The following PNPLA7 variants were observed in gnomAD, a reference collection of about 807,000 sequenced individuals.
The protein encoded by PNPLA7 is patatin like domain 7, lysophospholipase.
A neutral mutation model predicts 161.7 loss-of-function variants in PNPLA7; 153 were observed. That is an observed-to-expected ratio of 0.95 (90% CI 0.83 to 1.08). The LOEUF (loss-of-function observed/expected upper bound fraction) is 1.08, where lower values mean the gene tolerates loss of function less well. Ranked by LOEUF, PNPLA7 falls within the 50% of genes least tolerant of loss-of-function variation. PNPLA7 has a pLI of 0.00. For synonymous variants in PNPLA7, 809 were observed against 782.1 expected (o/e 1.03, Z -0.57); for missense variants, 1,739 against 1,856.6 (o/e 0.94, Z 1.16).
intron 21 of PNPLA7, among the ~76,000 whole-genome samples, chr9:137,482,755 C>T (rs1466250661): frequency 1.3e-5 from 2 of 152,256 alleles, no homozygotes; most frequent in African/African-American, 4.8e-5. Context: ...GTCCCGGCCT[C>T]GATGTTACCC....
chr9:137,464,101 C>G, intron 28 of PNPLA7, 25 bp downstream of exon 28: 2 of 1,610,690 alleles, frequency 1.2e-6, no homozygotes, highest in Non-Finnish European at 1.7e-6. Flanking sequence ...CCCAAGCGGC[C>G]GCCCTGCGCA....
At chr9:137,548,552 A>T (rs966556796) in intron 1 of PNPLA7, among the ~76,000 whole-genome samples, 1 of 152,166 alleles carries the variant, frequency 6.6e-6, no homozygotes, top group Non-Finnish European at 1.5e-5. Context: ...GATCGAGACC[A>T]TCCTGGCTAA....
intron 23 of PNPLA7, chr9:137,479,666 G>C: frequency 1.0e-6 from 1 of 985,470 alleles, no homozygotes; most frequent in Non-Finnish European, 1.2e-6. Context: ...AGGGAGCAGA[G>C]GAGGGAGACG....
chr9:137,480,228 C>T (rs1219592456), intron 23 of PNPLA7, 84 bp downstream of exon 23: 4 of 1,477,754 alleles, frequency 2.7e-6, no homozygotes, highest in Non-Finnish European at 3.7e-6. Flanking sequence ...TGAGTTTGTG[C>T]AGTATTTTAC....
At chr9:137,502,938 G>T (rs982869491) in intron 14 of PNPLA7, among the ~76,000 whole-genome samples, 2 of 151,874 alleles carry the variant, frequency 1.3e-5, no homozygotes, top group Non-Finnish European at 2.9e-5. Context: ...TCAAGGGGGG[G>T]CACCCGAACG....
In PNPLA7 at chr9:137,541,493, T is replaced by C; in HGVS notation, c.667-771A>G. On this transcript the variant is annotated intron_variant, in intron 7 of 34. Transcript: ENST00000406427. This position sits in a 1 kb window ranked among gnomAD's most constrained non-coding sequence, Gnocchi z 4.4. ...AGGCAGTGCCGGAGCTGGCGTGGGA[T>C]CACAGCCCACTCCCGGGACCACAGC... 1 of 985,416 alleles carries C rather than the reference T, an allele frequency of 1.0e-6. No individual in the cohort carries two copies. The highest frequency in any genetic ancestry group is 1.2e-6 in the Non-Finnish European group (1 of 829,922). 61.0% of individuals were successfully genotyped at this position (985,416 alleles called of 1,614,324 possible).
At position 137,541,786 on chromosome 9, in the gene PNPLA7, A is replaced by T. The variant is rs1042505532; in HGVS notation, c.666+856T>A. On this transcript the variant is annotated intron_variant, in intron 7 of 34. Coordinates refer to ENST00000406427, the MANE Select transcript of PNPLA7 (RefSeq NM_001098537.3). This position sits in a 1 kb window ranked among gnomAD's most constrained non-coding sequence, Gnocchi z 4.4. ...AGCTCCTACGTGGATTCACACCCGAATTTTTTTTTTTTTGAGACAGGGTCT... is the reference window on the plus strand; with the variant it reads ...AGCTCCTACGTGGATTCACACCCGATTTTTTTTTTTTTTGAGACAGGGTCT... Among the ~76,000 whole-genome samples, 209 of 146,936 alleles carry T rather than the reference A, an allele frequency of 1.4e-3. 1 individual carries two copies. The highest frequency in any genetic ancestry group is 4.8e-3 in the Admixed American group (70 of 14,638).
At position 137,507,562 on chromosome 9, in the gene PNPLA7, G is replaced by A. The variant is rs781114669; in HGVS notation, c.1226-1479C>T. Among the ~76,000 whole-genome samples, 4 of 152,242 alleles carry A rather than the reference G, an allele frequency of 2.6e-5. No homozygotes were observed. In the East Asian group the frequency reaches 5.8e-4, roughly 22 times the overall value. On this transcript the variant is annotated intron_variant, in intron 12 of 34. Coordinates refer to ENST00000406427, the MANE Select transcript of PNPLA7 (RefSeq NM_001098537.3). ...CACATGCCTGTTACCCCAGGTCCTC[G>A]GGAGGCTGAGGCAGGAGAATCCCTT...
rs775571626 is a variant in PNPLA7 at position 137,545,410 on chromosome 9, G to A, written c.273+1420C>T. Among the ~76,000 whole-genome samples, 6 of 152,174 alleles carry A rather than the reference G, an allele frequency of 3.9e-5. No homozygotes were observed. In the South Asian group the frequency reaches 6.2e-4, roughly 16 times the overall value. Reference sequence around the variant, plus strand: ...GCAGCAGAGTCAGGAACCTCTGGCCGAGCGTGAGGCCCTCTGCACCCACTG... The same window carrying A: ...GCAGCAGAGTCAGGAACCTCTGGCCAAGCGTGAGGCCCTCTGCACCCACTG... On this transcript the variant is annotated intron_variant, in intron 4 of 34. Coordinates refer to ENST00000406427, the MANE Select transcript of PNPLA7 (RefSeq NM_001098537.3).
chr9:137,469,969 A>G (rs1831637566), intron 25 of PNPLA7, among the ~76,000 whole-genome samples: 1 of 152,234 alleles, frequency 6.6e-6, no homozygotes, highest in Non-Finnish European at 1.5e-5. Flanking sequence ...AACATAAGAA[A>G]TAGAACATAT....
intron 25 of PNPLA7, among the ~76,000 whole-genome samples, chr9:137,471,597 CAA>C (rs11451865): frequency 9.5e-5 from 10 of 105,692 alleles, no homozygotes; most frequent in Non-Finnish European, 6.4e-5. Flanking sequence ...GACTCCGTCT[CAA>C]AAAAAAAAAA....
intron 25 of PNPLA7, 59 bp downstream of exon 25, chr9:137,477,975 A>T: frequency 8.0e-7 from 1 of 1,244,828 alleles, no homozygotes; most frequent in Non-Finnish European, 1.0e-6. Flanking sequence ...CTAGCACCCG[A>T]GGGGGCGACT....
At chr9:137,505,909 G>A (rs1833892888) in intron 13 of PNPLA7, 74 bp downstream of exon 13, 3 of 1,530,248 alleles carry the variant, frequency 2.0e-6, no homozygotes, top group Admixed American at 1.8e-5. Context: ...AGCCGGCGGC[G>A]CCCCCAATGC....
rs1835186972 is a variant in PNPLA7, at chr9:137,524,260, C to G, written c.748-1403G>C. 2.0e-5 allele frequency among the ~76,000 whole-genome samples: 3 copies of G among 152,348 alleles called. No individual in the cohort carries two copies. In the South Asian group the frequency reaches 6.2e-4, roughly 32 times the overall value. ...TCGAGATTCCCCCACGGTGGCATGTCTGACAGAGGTCTCTGCCTTGACTCC... is the reference window on the plus strand; with the variant it reads ...TCGAGATTCCCCCACGGTGGCATGTGTGACAGAGGTCTCTGCCTTGACTCC... On this transcript the variant is annotated intron_variant, in intron 8 of 34. Coordinates refer to ENST00000406427, the MANE Select transcript of PNPLA7 (RefSeq NM_001098537.3). This position sits in a 1 kb window ranked among gnomAD's most constrained non-coding sequence, Gnocchi z 4.4.
At position 137,494,924 on chromosome 9, in the gene PNPLA7, C is replaced by T. The variant is rs573340518; in HGVS notation, c.2127+109G>A. 1.1e-4 allele frequency: 113 copies of T among 1,004,132 alleles called. No individual in the cohort carries two copies. The Admixed American group carries it at 1.2e-3, about 10-fold the overall frequency. 62.2% of individuals were successfully genotyped at this position (1,004,132 alleles called of 1,614,324 possible). On this transcript the variant is annotated intron_variant, in intron 19 of 34. Coordinates refer to ENST00000406427, the MANE Select transcript of PNPLA7 (RefSeq NM_001098537.3). ...ACCTGCTCTGCGCTCTCACCTGCTCCGCGCCCTCACCTGCTCTGTGCCCTC... is the reference window on the plus strand; with the variant it reads ...ACCTGCTCTGCGCTCTCACCTGCTCTGCGCCCTCACCTGCTCTGTGCCCTC...
chr9:137,498,888 AG>A, intron 16 of PNPLA7, among the ~76,000 whole-genome samples: 1 of 152,334 alleles, frequency 6.6e-6, no homozygotes, highest in South Asian at 2.1e-4. Flanking sequence ...AGCCACAGGC[AG>A]GTGGAGCTGC....
rs145421631 is a variant in PNPLA7 at position 137,476,467 on chromosome 9, T to C, written c.2882+1567A>G. Among the ~76,000 whole-genome samples, 1,445 of 152,036 alleles carry C rather than the reference T, an allele frequency of 9.5e-3. 61 individuals are homozygous for C. The highest frequency in any genetic ancestry group is 3.6e-3 in the Non-Finnish European group (245 of 67,990). On this transcript the variant is annotated intron_variant, in intron 25 of 34. Transcript: ENST00000406427. The surrounding 1 kb of genome is among the most constrained non-coding windows in gnomAD (Gnocchi z 4.5). ...TTAATCAATAGTTAGCAGACTCTGA[T>C]TGCGGGTGTTGAAGGGGGTTAAGAA...
Position 137,481,030 on chromosome 9 carries a change from A to C in PNPLA7, c.2348-7T>G, listed in dbSNP as rs1215103131. ...GTCAGCAGCAGGGTCGGGCCTGAAA[A>C]CACCACCACCAGTAACGGAGCCTGC... is the stretch of plus-strand genomic sequence containing the variant. On this transcript the variant is annotated splice_polypyrimidine_tract_variant and splice_region_variant and intron_variant, in intron 21 of 34. Coordinates refer to ENST00000406427, the MANE Select transcript of PNPLA7 (RefSeq NM_001098537.3). The C allele has an allele frequency of 3.9e-6, 6 of 1,551,592 alleles. No homozygotes were observed. The South Asian group carries it at 7.1e-5, about 18-fold the overall frequency.
At chr9:137,483,292 C>T (rs777337704) in intron 21 of PNPLA7, among the ~76,000 whole-genome samples, 15 of 152,294 alleles carry the variant, frequency 9.8e-5, no homozygotes, top group African/African-American at 4.8e-5. Context: ...CCGTACAACT[C>T]GAAGATGTTT....
Sources: allele counts gnomAD v4.1 joint callset (sites outside exome capture counted in the v4.1 genomes callset), GRCh38; gene constraint gnomAD v4.1.1; non-coding constraint Gnocchi (gnomAD v3.1); transcripts MANE v1.5; gene names NCBI Gene and HGNC (gene_info 2026-07-23, HGNC 2026-07-21).